RAI14: variants seen among roughly 807,000 people sequenced by gnomAD.
The protein encoded by RAI14 is ankycorbin.
RAI14 carries 45 observed loss-of-function variants against 115.4 expected under a neutral mutation model. The ratio of observed to expected loss-of-function variants is 0.39; its 90% CI spans 0.31 to 0.50. The LOEUF is 0.50. Among genes scored for constraint, RAI14 ranks in the 20% least tolerant of loss-of-function variants. The pLI is 0.85. For synonymous variants in RAI14, 371 were observed against 415.4 expected (o/e 0.89, Z 1.30); for missense variants, 939 against 1,131.2 (o/e 0.83, Z 2.44).
At chr5:34,700,516 A>G (rs2149928234) in intron 2 of RAI14, among the ~76,000 whole-genome samples, 1 of 152,272 alleles carries the variant, frequency 6.6e-6, no homozygotes, top group East Asian at 1.9e-4. Flanking sequence ...TACACTAGTC[A>G]TTGTGTTGAA....
chr5:34,784,720 A>T lies in RAI14; in HGVS notation c.168-11219A>T, dbSNP rs931388441. 2.0e-5 allele frequency among the ~76,000 whole-genome samples: 3 copies of T among 152,144 alleles called. No individual in the cohort carries two copies. In the East Asian group the frequency reaches 5.8e-4, roughly 29 times the overall value. ...TTAGCAAATCTAGAGCCTTCTCTGG[A>T]TCTATTCTATTTATTTGAGCTTTAT... On this transcript the variant is annotated intron_variant, in intron 3 of 17. Coordinates refer to ENST00000265109, the MANE Select transcript of RAI14 (RefSeq NM_015577.3).
intron 9 of RAI14, 115 bp downstream of exon 9, chr5:34,812,060 G>A (rs1755663567): frequency 2.4e-6 from 3 of 1,248,586 alleles, no homozygotes; most frequent in African/African-American, 3.1e-5. Context: ...ACATATTCTT[G>A]AAAAAAAAAG....
At chr5:34,752,251 T>A (rs334907) in intron 2 of RAI14, among the ~76,000 whole-genome samples, 11,243 of 152,282 alleles carry the variant, frequency 0.074, 476 homozygotes, top group Middle Eastern at 0.21. Flanking sequence ...ATTTAATAGT[T>A]GTTTGCAAAA....
intron 1 of RAI14, chr5:34,685,673 CA>C (rs1744792735): frequency 6.6e-6 from 1 of 151,796 alleles, no homozygotes; most frequent in South Asian, 2.1e-4. Context: ...GTGACTCAGG[CA>C]AGTTTCTAAA....
intron 2 of RAI14, among the ~76,000 whole-genome samples, chr5:34,715,406 A>G (rs1237205563): frequency 6.6e-6 from 1 of 152,178 alleles, no homozygotes; most frequent in East Asian, 1.9e-4. Flanking sequence ...TCCACGCCCC[A>G]GTATTTCAGG....
At chr5:34,829,188 C>CAT (rs1292960440) in intron 16 of RAI14, among the ~76,000 whole-genome samples, 6 of 150,500 alleles carry the variant, frequency 4.0e-5, no homozygotes, top group Non-Finnish European at 7.4e-5. Flanking sequence ...TACACACACA[C>CAT]ATATATATAT....
chr5:34,720,170 A>G (rs1008829835), intron 2 of RAI14, among the ~76,000 whole-genome samples: 26 of 152,192 alleles, frequency 1.7e-4, no homozygotes, highest in African/African-American at 5.8e-4. Context: ...AGATATACTT[A>G]AAGCTAAACA....
chr5:34,783,323 C>A (rs561846997), intron 3 of RAI14, among the ~76,000 whole-genome samples: 1 of 152,258 alleles, frequency 6.6e-6, no homozygotes, highest in South Asian at 2.1e-4. Flanking sequence ...TCCTCCTCAG[C>A]GTCAGTCTTG....
chr5:34,782,533 A>G (rs181571809), intron 3 of RAI14, among the ~76,000 whole-genome samples: 2 of 152,248 alleles, frequency 1.3e-5, no homozygotes, highest in East Asian at 3.9e-4. Context: ...TGCTTTAAAT[A>G]TTTGTTCTTT....
Position 34,823,538 on chromosome 5 carries a change from G to A in RAI14, c.1696G>A (p.Gly566Ser), listed in dbSNP as rs748653495. Residue 566 changes from glycine to serine, a missense_variant, in exon 15 of 18, where the codon GGT (glycine) becomes AGT (serine). Physicochemically the swap from Gly to Ser is moderately conservative, Grantham distance 56. Coordinates refer to ENST00000265109, the MANE Select transcript of RAI14 (RefSeq NM_015577.3). The surrounding 1 kb of genome is among the most constrained non-coding windows in gnomAD (Gnocchi z 4.5). ...LEEKLVEREKGTVIKPPVEEY... is the reference protein window; with the variant it reads ...LEEKLVEREKSTVIKPPVEEY... Reference sequence around the variant, plus strand: ...GGAAAAACTGGTAGAGAGGGAGAAAGGTACAGTGATTAAGCCACCTGTGGA... The same window carrying A: ...GGAAAAACTGGTAGAGAGGGAGAAAAGTACAGTGATTAAGCCACCTGTGGA... 1.2e-5 allele frequency: 20 copies of A among 1,613,986 alleles called. No homozygotes were observed. Among genetic ancestry groups the A allele is most frequent in the South Asian group, 2.2e-5 (2 of 91,088 alleles).
At chr5:34,688,115 A>G in intron 2 of RAI14, 2 of 1,461,012 alleles carry the variant, frequency 1.4e-6, no homozygotes, top group Non-Finnish European at 9.2e-7. Flanking sequence ...CGACAAAGAC[A>G]GAAAACTAGC....
chr5:34,754,608 GATT>G (rs1747646195), intron 2 of RAI14, among the ~76,000 whole-genome samples: 1 of 151,968 alleles, frequency 6.6e-6, no homozygotes, highest in African/African-American at 2.4e-5. Flanking sequence ...TGGTGTTGTG[GATT>G]ATTTATTGAA....
At position 34,811,820 on chromosome 5, in the gene RAI14, TAA is replaced by T; in HGVS notation, c.612_613del (p.Leu204PhefsTer2). The T allele has an allele frequency of 6.2e-7, 1 of 1,613,594 alleles. No homozygotes were observed. Among genetic ancestry groups the T allele is most frequent in the South Asian group, 1.1e-5 (1 of 91,060 alleles). ...GGCAGCTCTAACGCTGTGGAAGCCT[TAA>T]TTAAAAAGGGTGCAGACCTAAACCT... On this transcript the variant is annotated frameshift_variant, in exon 9 of 18. Transcript: ENST00000265109. LOFTEE classifies it high-confidence loss of function.
chr5:34,724,927 G>A (rs1430471062), intron 2 of RAI14, among the ~76,000 whole-genome samples: 2 of 152,150 alleles, frequency 1.3e-5, no homozygotes, highest in Admixed American at 6.5e-5. Flanking sequence ...AATAGGCTCT[G>A]GGAGAATGGA....
intron 1 of RAI14, among the ~76,000 whole-genome samples, chr5:34,664,915 T>A (rs1742989640): frequency 6.7e-6 from 1 of 148,192 alleles, no homozygotes; most frequent in African/African-American, 2.5e-5. Context: ...AGAATAATAA[T>A]CTCCAATCTC....
intron 2 of RAI14, among the ~76,000 whole-genome samples, chr5:34,752,409 A>G (rs1306248017): frequency 6.6e-6 from 1 of 152,124 alleles, no homozygotes; most frequent in African/African-American, 2.4e-5. Flanking sequence ...AGGGAGCTAA[A>G]CACAGGAGAA....
At chr5:34,740,661 G>A (rs1032311799) in intron 2 of RAI14, among the ~76,000 whole-genome samples, 2 of 152,124 alleles carry the variant, frequency 1.3e-5, no homozygotes, top group African/African-American at 4.8e-5. Flanking sequence ...TGATGAAGAG[G>A]GCCATCTGTG....
intron 1 of RAI14, among the ~76,000 whole-genome samples, chr5:34,663,414 G>T (rs1175254034): frequency 6.6e-6 from 1 of 152,168 alleles, no homozygotes; most frequent in Non-Finnish European, 1.5e-5. Context: ...TACTCAGGAG[G>T]CTGAGGTGGG....
At chr5:34,779,957 C>G (rs1184168781) in intron 3 of RAI14, among the ~76,000 whole-genome samples, 1 of 152,198 alleles carries the variant, frequency 6.6e-6, no homozygotes, top group Non-Finnish European at 1.5e-5. Flanking sequence ...ATCACACTAC[C>G]TGACTTCAAA....
Sources: gnomAD v4.1 joint callset for allele counts (sites outside exome capture counted in the v4.1 genomes callset) on GRCh38, gnomAD v4.1.1 for gene constraint, Gnocchi (gnomAD v3.1) non-coding constraint, MANE v1.5 for transcripts, NCBI Gene and HGNC (gene_info 2026-07-23, HGNC 2026-07-21) for gene names.